KIF18B: variants seen among roughly 807,000 people sequenced by gnomAD.
KIF18B encodes the protein kinesin family member 18B, also known as kinesin-like protein KIF18B.
KIF18B carries 49 observed loss-of-function variants against 80.9 expected under a neutral mutation model. The ratio of observed to expected loss-of-function variants is 0.61; its 90% confidence interval spans 0.48 to 0.77. The LOEUF is 0.77. KIF18B is among the 30% of genes least tolerant of loss of function. The pLI, the probability that KIF18B is intolerant of heterozygous loss-of-function variation, is 0.00. For synonymous variants in KIF18B, 439 were observed against 463.9 expected (o/e 0.95, Z 0.69); for missense variants, 994 against 1,127.7 (o/e 0.88, Z 1.70).
chr17:44,940,686 T>C (rs1361177445), intron 1 of KIF18B, among the ~76,000 whole-genome samples: 2 of 152,168 alleles, frequency 1.3e-5, no homozygotes, highest in Non-Finnish European at 2.9e-5. Flanking sequence ...AATAGATGGA[T>C]GCCTTCCAGG....
chr17:44,925,863 C>CCAAGAA lies in KIF18B; in HGVS notation c.*211_*216dup, dbSNP rs778942953. ...ACACTCACAAATGAATATGTACATG[C>CCAAGAA]CAAGAAGCTGAGTGTAACAGGAGAT... is the stretch of plus-strand genomic sequence containing the variant. On this transcript the variant is annotated 3_prime_UTR_variant, in exon 16 of 16. Transcript: ENST00000593135. 44 of 601,082 alleles carry CCAAGAA rather than the reference C, an allele frequency of 7.3e-5. No homozygotes were observed. Among genetic ancestry groups the CCAAGAA allele is most frequent in the Non-Finnish European group, 1.1e-4 (37 of 338,622 alleles). The allele number at this position is 601,082 out of a possible 1,614,324, so 37.2% of individuals were successfully genotyped here.
At chr17:44,933,051 G>T (rs769042309) in intron 7 of KIF18B, 65 bp from the exon 8 acceptor site, 2 of 1,471,690 alleles carry the variant, frequency 1.4e-6, no homozygotes, top group Non-Finnish European at 1.9e-6. Context: ...AGCCACCGCC[G>T]ATGGCCAGGC....
In KIF18B at chr17:44,926,040, G is replaced by A. The variant is rs372038799; in HGVS notation, c.*40C>T. On this transcript the variant is annotated 3_prime_UTR_variant, in exon 16 of 16. Transcript: ENST00000593135. ...AAGAGGGGTATCCAGCAGAGGGGCC[G>A]GTAGGTTAGGACACCTTGGTGGTCA... The A allele has an allele frequency of 6.5e-5, 105 of 1,610,730 alleles. No homozygotes were observed. The Admixed American group carries it at 1.2e-3, about 18-fold the overall frequency.
At chr17:44,926,241 T>C in intron 15 of KIF18B, 55 bp from the exon 16 acceptor site, 2 of 1,606,664 alleles carry the variant, frequency 1.2e-6, no homozygotes, top group Non-Finnish European at 1.7e-6. Flanking sequence ...AAAGTGACGC[T>C]CTGTCCCCGT....
In KIF18B at chr17:44,934,537, C is replaced by T. The variant is rs756463084; in HGVS notation, c.657G>A (p.Ala219=). ...AGATGGCATGGGAGCGGGAGGAAGT[C>T]GCGTTGGCATCAGTGGGGTGCTGCG... is the stretch of plus-strand genomic sequence containing the variant. ...NRTQHPTDAN[A]TSSRSHAIFQ... Residue 219 remains alanine, a synonymous_variant, in exon 5 of 16, where the codon GCG becomes GCA. Coordinates refer to ENST00000593135, the MANE Select transcript of KIF18B (RefSeq NM_001265577.2). This position sits in a 1 kb window ranked among gnomAD's most constrained non-coding sequence, Gnocchi z 5.4. 34 of 1,612,712 alleles carry T rather than the reference C, an allele frequency of 2.1e-5. No individual in the cohort carries two copies. The highest frequency in any genetic ancestry group is 2.7e-5 in the Non-Finnish European group (32 of 1,179,430).
chr17:44,928,388 G>C lies in KIF18B; in HGVS notation c.1914C>G (p.Asp638Glu). Residue 638 changes from aspartate to glutamate, a missense_variant, in exon 13 of 16, where the codon GAC becomes GAG. Asp to Glu is a conservative substitution (Grantham distance 45). Coordinates refer to ENST00000593135, the MANE Select transcript of KIF18B (RefSeq NM_001265577.2). ...TGCCCCGCTTTGGGGCCATGGGACT[G>C]TCTGCCTCCAAGGCGCTTGGTCTCC... ...KRRRPSALEA[D>E]SPMAPKRGTK... 2 of 1,573,468 alleles carry C rather than the reference G, an allele frequency of 1.3e-6. No homozygotes were observed. Among genetic ancestry groups the C allele is most frequent in the Non-Finnish European group, 1.7e-6 (2 of 1,162,132 alleles).
rs371373093 is a variant in KIF18B at position 44,935,255 on chromosome 17, C to T, written c.471+4G>A. 3.7e-5 allele frequency: 59 copies of T among 1,597,738 alleles called. No homozygotes were observed. Among genetic ancestry groups the T allele is most frequent in the African/African-American group, 8.0e-5 (6 of 74,554 alleles). ...GAACAAGGCCCAGGGCAGGGGCAGC[C>T]GACCTCCTGGTAGCTGATGAGCACC... On this transcript the variant is annotated splice_donor_region_variant and intron_variant, in intron 3 of 15. Transcript: ENST00000593135.
intron 10 of KIF18B, among the ~76,000 whole-genome samples, 156 bp downstream of exon 10, chr17:44,931,900 C>T (rs2052157427): frequency 6.6e-6 from 1 of 152,178 alleles, no homozygotes; most frequent in South Asian, 2.1e-4. Flanking sequence ...TTTCTTCTTC[C>T]TGCACAGAAT....
chr17:44,934,507 C>A lies in KIF18B; in HGVS notation c.687G>T (p.Gln229His). The A allele has an allele frequency of 6.2e-7, 1 of 1,611,268 alleles. No individual in the cohort carries two copies. Among genetic ancestry groups the A allele is most frequent in the Non-Finnish European group, 8.5e-7 (1 of 1,178,572 alleles). The part of the protein sequence containing the change: ...ATSSRSHAIF[Q>H]IFVKQQDRVP... ...TTCAGGCTCTGACCCATGACCTCACCTGGAAGATGGCATGGGAGCGGGAGG... is the reference window on the plus strand; with the variant it reads ...TTCAGGCTCTGACCCATGACCTCACATGGAAGATGGCATGGGAGCGGGAGG... Residue 229 changes from glutamine (Q) to histidine (H), a missense_variant and splice_region_variant, in exon 5 of 16, where the codon CAG (glutamine) becomes CAT (histidine). Physicochemically the swap from Gln to His is conservative, Grantham distance 24. Coordinates refer to ENST00000593135, the MANE Select transcript of KIF18B (RefSeq NM_001265577.2). This position sits in a 1 kb window ranked among gnomAD's most constrained non-coding sequence, Gnocchi z 5.4.
chr17:44,932,882 T>G, intron 8 of KIF18B, 30 bp downstream of exon 8: 1 of 1,593,712 alleles, frequency 6.3e-7, no homozygotes, highest in Non-Finnish European at 8.6e-7. Context: ...CTGTCGGCCC[T>G]CCAGCCTGCC....
chr17:44,926,363 T>C (rs1268729600), intron 15 of KIF18B, 51 bp downstream of exon 15: 1 of 1,553,864 alleles, frequency 6.4e-7, no homozygotes, highest in African/African-American at 1.4e-5. Context: ...CTCCTTCTTG[T>C]CTTCATCGGC....
At chr17:44,941,771 C>T (rs2052424355) in intron 1 of KIF18B, among the ~76,000 whole-genome samples, 1 of 152,062 alleles carries the variant, frequency 6.6e-6, no homozygotes, top group South Asian at 2.1e-4. Context: ...GTCCCTGCTC[C>T]CCATGGGGAG....
chr17:44,931,500 G>T, intron 11 of KIF18B, 102 bp downstream of exon 11: 2 of 1,482,098 alleles, frequency 1.3e-6, no homozygotes, highest in Non-Finnish European at 1.9e-6. Flanking sequence ...CTGATGAAGA[G>T]ACAGGGCTTT....
At chr17:44,935,174 T>A (rs1165914708) in intron 3 of KIF18B, 85 bp downstream of exon 3, 1 of 1,390,670 alleles carries the variant, frequency 7.2e-7, no homozygotes, top group Admixed American at 2.6e-5. Context: ...CCTGCCACCC[T>A]GTCCCACACC....
At chr17:44,939,366 CAA>C (rs781348504) in intron 1 of KIF18B, among the ~76,000 whole-genome samples, 237 of 36,910 alleles carry the variant, frequency 6.4e-3, no homozygotes, top group Admixed American at 0.015. Context: ...GACTCCATCT[CAA>C]AAAAAAAAAA....
In KIF18B at chr17:44,934,132, G is replaced by T; in HGVS notation, c.886-33C>A. The T allele has an allele frequency of 6.2e-7, 1 of 1,607,528 alleles. No individual in the cohort carries two copies. The highest frequency in any genetic ancestry group is 1.1e-5 in the South Asian group (1 of 90,190). On this transcript the variant is annotated intron_variant, in intron 6 of 15. Coordinates refer to ENST00000593135, the MANE Select transcript of KIF18B (RefSeq NM_001265577.2). The surrounding 1 kb of genome is among the most constrained non-coding windows in gnomAD (Gnocchi z 5.4). ...GCAGTAAGCAGGTGTGGGGTGAGGC[G>T]ACTGATGGCACTGACCCAGGATGGG...
intron 7 of KIF18B, 72 bp downstream of exon 7, chr17:44,933,851 C>T: frequency 7.1e-7 from 1 of 1,417,688 alleles, no homozygotes; most frequent in Non-Finnish European, 9.5e-7. Flanking sequence ...ATTGGAGCTG[C>T]CTGGGTCCCA....
intron 1 of KIF18B, 58 bp from the exon 2 acceptor site, chr17:44,936,416 C>T (rs1341848322): frequency 1.4e-6 from 2 of 1,462,402 alleles, no homozygotes; most frequent in South Asian, 1.2e-5. Context: ...ACCAGGTGCC[C>T]CCTCAGTACT....
intron 1 of KIF18B, among the ~76,000 whole-genome samples, chr17:44,939,899 G>A (rs545748749): frequency 6.6e-5 from 10 of 152,096 alleles, no homozygotes; most frequent in Non-Finnish European, 1.3e-4. Flanking sequence ...TGCAACCTCC[G>A]CCTCCCAGGT....
Sources: gnomAD v4.1 joint callset for allele counts (sites outside exome capture counted in the v4.1 genomes callset) on GRCh38, gnomAD v4.1.1 for gene constraint, Gnocchi (gnomAD v3.1) non-coding constraint, MANE v1.5 for transcripts, NCBI Gene and HGNC (gene_info 2026-07-23, HGNC 2026-07-21) for gene names.